The following AFAP1 variants were observed in gnomAD, a reference collection of about 807,000 sequenced individuals.
The protein encoded by AFAP1 is actin filament-associated protein 1.
A neutral mutation model predicts 93.9 loss-of-function variants in AFAP1; 75 were observed. The observed-to-expected ratio is 0.80, with a 90% CI of 0.66 to 0.97. The LOEUF (loss-of-function observed/expected upper bound fraction) is 0.97, where lower values mean the gene tolerates loss of function less well. Ranked by LOEUF, AFAP1 falls within the 50% of genes least tolerant of loss-of-function variation. The pLI, the probability that AFAP1 is intolerant of heterozygous loss-of-function variation, is 0.00. For missense variants in AFAP1, 1,201 were observed against 1,050.8 expected (o/e 1.14, Z -1.98); for synonymous variants, 517 against 430.7 (o/e 1.20, Z -2.48).
At chr4:7,838,810 G>C in intron 5 of AFAP1, 107 bp from the exon 6 acceptor site, 5 of 1,224,842 alleles carry the variant, frequency 4.1e-6, no homozygotes, top group Non-Finnish European at 5.8e-6. Context: ...GCATCTGAAA[G>C]TCTGAATCTG....
intron 17 of AFAP1, among the ~76,000 whole-genome samples, chr4:7,765,073 G>A (rs530052752): frequency 2.6e-5 from 4 of 152,052 alleles, no homozygotes; most frequent in Non-Finnish European, 2.9e-5. Context: ...CACTGCACTC[G>A]AGCGTGGTCA....
chr4:7,801,136 G>A (rs1718981887), intron 9 of AFAP1, among the ~76,000 whole-genome samples: 1 of 152,178 alleles, frequency 6.6e-6, no homozygotes, highest in Non-Finnish European at 1.5e-5. Flanking sequence ...ATCTAAAAAT[G>A]AAAACTTTCC....
intron 1 of AFAP1, among the ~76,000 whole-genome samples, chr4:7,889,560 A>AG (rs1718326217): frequency 3.5e-5 from 4 of 113,478 alleles, no homozygotes; most frequent in African/African-American, 1.1e-4. Flanking sequence ...AAAAAAAAAG[A>AG]AAAAAAAAAA....
intron 14 of AFAP1, 72 bp from the exon 15 acceptor site, chr4:7,774,975 C>A: frequency 6.5e-7 from 1 of 1,545,786 alleles, no homozygotes. Context: ...GATCCCTTCT[C>A]CACAAAAAAT....
chr4:7,770,203 A>G (rs1000059153), intron 16 of AFAP1, among the ~76,000 whole-genome samples: 8 of 152,228 alleles, frequency 5.3e-5, no homozygotes, highest in African/African-American at 1.9e-4. Context: ...GTGGGCCCCC[A>G]AAGGATACTT....
At chr4:7,915,223 T>G (rs1720022141) in intron 1 of AFAP1, among the ~76,000 whole-genome samples, 1 of 81,278 alleles carries the variant, frequency 1.2e-5, no homozygotes, top group Non-Finnish European at 2.1e-5. Context: ...TGCGTAAGAG[T>G]TCCCTTTTCT....
chr4:7,880,263 C>A (rs1431384741), intron 1 of AFAP1, among the ~76,000 whole-genome samples: 1 of 149,004 alleles, frequency 6.7e-6, no homozygotes, highest in Non-Finnish European at 1.5e-5. Context: ...AGGAGGGACC[C>A]TGGAACCCAA....
chr4:7,793,603 C>G, intron 11 of AFAP1, 78 bp downstream of exon 11: 1 of 1,359,338 alleles, frequency 7.4e-7, no homozygotes, highest in Admixed American at 2.4e-5. Context: ...TATCCTCACA[C>G]AAAAACTAAG....
intron 1 of AFAP1, chr4:7,938,891 G>A (rs1721547762): frequency 6.6e-6 from 1 of 152,080 alleles, no homozygotes. Context: ...CCGCCGGCCA[G>A]GGGAGAGGAC....
intron 1 of AFAP1, among the ~76,000 whole-genome samples, chr4:7,916,243 G>A (rs1020485895): frequency 1.1e-4 from 16 of 152,160 alleles, no homozygotes; most frequent in Admixed American, 2.0e-4. Context: ...AACCGATGTC[G>A]TGCCTTCTGT....
intron 17 of AFAP1, among the ~76,000 whole-genome samples, chr4:7,764,768 C>A (rs1465934473): frequency 6.6e-6 from 1 of 152,088 alleles, no homozygotes; most frequent in East Asian, 1.9e-4. Flanking sequence ...TATGTCTGGT[C>A]TGACAACAGC....
chr4:7,774,474 T>TC (rs1438821805), intron 15 of AFAP1: 2 of 458,834 alleles, frequency 4.4e-6, no homozygotes, highest in South Asian at 3.5e-5. Context: ...CCGGAACAGG[T>TC]CCCCCAGCAC....
intron 1 of AFAP1, among the ~76,000 whole-genome samples, chr4:7,933,303 G>C (rs932668887): frequency 6.6e-6 from 1 of 151,870 alleles, no homozygotes; most frequent in Non-Finnish European, 1.5e-5. Flanking sequence ...GGCCGAGCAC[G>C]GTGGCTCACG....
In AFAP1 at chr4:7,786,378, T is replaced by C. The variant is rs966255491; in HGVS notation, c.1413-67A>G. On this transcript the variant is annotated intron_variant, in intron 11 of 17. Coordinates refer to ENST00000420658, the MANE Select transcript of AFAP1 (RefSeq NM_001134647.2). ...CTTTTACTCCAATCAGTCAAGTCTT[T>C]AATGAGTTCTGACTTTATGCCCAAG... The C allele has an allele frequency of 9.8e-6, 13 of 1,330,050 alleles. No homozygotes were observed. The Admixed American group carries it at 1.2e-4, about 12-fold the overall frequency. The allele number at this position is 1,330,050 out of a possible 1,614,324, so 82.4% of individuals were successfully genotyped here.
chr4:7,838,805 T>G, intron 5 of AFAP1, 102 bp from the exon 6 acceptor site: 1 of 1,297,328 alleles, frequency 7.7e-7, no homozygotes. Flanking sequence ...GCAAGGCATC[T>G]GAAAGTCTGA....
At chr4:7,866,431 G>T (rs909217989) in intron 3 of AFAP1, among the ~76,000 whole-genome samples, 2 of 152,048 alleles carry the variant, frequency 1.3e-5, no homozygotes, top group Non-Finnish European at 2.9e-5. Flanking sequence ...CCTGAGCTCA[G>T]GCGATCCACC....
chr4:7,836,983 A>G (rs542099750), intron 6 of AFAP1, among the ~76,000 whole-genome samples: 2 of 152,240 alleles, frequency 1.3e-5, no homozygotes, highest in East Asian at 3.8e-4. Context: ...CAAGGATGAC[A>G]AAAATGACAT....
chr4:7,859,255 C>T (rs181410760), intron 3 of AFAP1, among the ~76,000 whole-genome samples: 150 of 152,228 alleles, frequency 9.9e-4, no homozygotes, highest in Non-Finnish European at 1.9e-3. Flanking sequence ...CCCATCTCTA[C>T]TAAGAATACA....
chr4:7,771,288 G>A (rs1034490245), intron 16 of AFAP1, among the ~76,000 whole-genome samples: 1 of 143,136 alleles, frequency 7.0e-6, no homozygotes, highest in Admixed American at 6.9e-5. Context: ...AGGAAGTGAG[G>A]TGGGAGGATC....
Sources: gnomAD v4.1 joint callset for allele counts (sites outside exome capture counted in the v4.1 genomes callset) on GRCh38, gnomAD v4.1.1 for gene constraint, MANE v1.5 for transcripts, NCBI Gene and HGNC (gene_info 2026-07-23, HGNC 2026-07-21) for gene names.